Variants in COL22A1 observed in about 807,000 individuals in gnomAD.
The protein encoded by COL22A1 is collagen alpha-1(XXII) chain.
COL22A1 carries 221 observed loss-of-function variants against 248.9 expected under a neutral mutation model. The observed-to-expected ratio is 0.89, with a 90% CI of 0.80 to 0.99. COL22A1 has a LOEUF of 0.99. Ranked by LOEUF, COL22A1 falls within the 50% of genes least tolerant of loss-of-function variation. The pLI is 0.00. For synonymous variants in COL22A1, 891 were observed against 793.4 expected (o/e 1.12, Z -2.07); for missense variants, 2,240 against 2,179.0 (o/e 1.03, Z -0.56).
intron 58 of COL22A1, among the ~76,000 whole-genome samples, 193 bp downstream of exon 58, chr8:138,606,188 G>C (rs1818403592): frequency 6.6e-6 from 1 of 152,200 alleles, no homozygotes; most frequent in Admixed American, 6.5e-5. Context: ...TGATGGCACT[G>C]AGATTGCCAT....
At chr8:138,882,997 A>G (rs1191968537) in intron 2 of COL22A1, 85 bp downstream of exon 2, 2 of 1,218,004 alleles carry the variant, frequency 1.6e-6, no homozygotes, top group East Asian at 5.1e-5. Context: ...ACTCACTTGC[A>G]TGCACACACC....
chr8:138,812,047 CT>C, intron 8 of COL22A1, 126 bp from the exon 9 acceptor site: 8 of 1,141,454 alleles, frequency 7.0e-6, no homozygotes, highest in Non-Finnish European at 9.8e-6. Context: ...CTGAGGATGT[CT>C]CTCCTGAGGC....
intron 22 of COL22A1, among the ~76,000 whole-genome samples, chr8:138,742,245 T>C (rs1831648924): frequency 6.7e-6 from 1 of 148,776 alleles, no homozygotes; most frequent in Non-Finnish European, 1.5e-5. Context: ...GTGATGATGG[T>C]GGTGATGGTG....
At chr8:138,688,736 G>A (rs1341578599) in intron 37 of COL22A1, among the ~76,000 whole-genome samples, 181 bp downstream of exon 37, 1 of 151,974 alleles carries the variant, frequency 6.6e-6, no homozygotes, top group Non-Finnish European at 1.5e-5. Context: ...CTGATTCTCA[G>A]GTCTGTTGTG....
At chr8:138,688,789 T>G (rs899557432) in intron 37 of COL22A1, 128 bp downstream of exon 37, 1 of 745,792 alleles carries the variant, frequency 1.3e-6, no homozygotes, top group Non-Finnish European at 2.4e-6. Context: ...TTCCTCTCCC[T>G]CCTACTTAGT....
chr8:138,871,336 A>G (rs1823329153), intron 3 of COL22A1, among the ~76,000 whole-genome samples: 1 of 152,156 alleles, frequency 6.6e-6, no homozygotes, highest in African/African-American at 2.4e-5. Context: ...CTGAGCCCCC[A>G]GTCCTGCCTC....
intron 39 of COL22A1, 28 bp from the exon 40 acceptor site, chr8:138,679,704 C>A (rs778618497): frequency 1.2e-6 from 2 of 1,604,126 alleles, no homozygotes; most frequent in African/African-American, 1.3e-5. Flanking sequence ...TCACTCATTT[C>A]TTCACCAAAC....
chr8:138,768,329 C>T (rs1452910793), intron 16 of COL22A1, among the ~76,000 whole-genome samples: 3 of 152,168 alleles, frequency 2.0e-5, no homozygotes. Context: ...CACTGAAGCA[C>T]ACTCTTGCCC....
chr8:138,849,742 G>A (rs1444303444), intron 3 of COL22A1, among the ~76,000 whole-genome samples: 2 of 152,126 alleles, frequency 1.3e-5, no homozygotes, highest in Admixed American at 1.3e-4. Context: ...ATTGGCTTAT[G>A]CAACGGGAAG....
rs1255122193 is a variant in COL22A1, at chr8:138,803,671, CTG to C, written c.1495-739_1495-738del. 7.9e-5 allele frequency among the ~76,000 whole-genome samples: 12 copies of C among 152,270 alleles called. No individual in the cohort carries two copies. In the East Asian group the frequency reaches 1.9e-3, roughly 24 times the overall value. ...GAAAGAGAGCAGGTAGAGGAAAAAA[CTG>C]TGTCTGCAAGGGAGGAAAAACTCAT... On this transcript the variant is annotated intron_variant, in intron 10 of 64. Coordinates refer to ENST00000303045, the MANE Select transcript of COL22A1 (RefSeq NM_152888.3).
chr8:138,793,639 C>T lies in COL22A1; in HGVS notation c.1596+3180G>A, dbSNP rs568388850. On this transcript the variant is annotated intron_variant, in intron 12 of 64. Transcript: ENST00000303045. Reference sequence around the variant, plus strand: ...AGCTGCCTGTCTCTCCTGCCAACATCGAAGATGTGAGGAGGTCTCCATGGC... The same window carrying T: ...AGCTGCCTGTCTCTCCTGCCAACATTGAAGATGTGAGGAGGTCTCCATGGC... Among the ~76,000 whole-genome samples, 14 of 152,332 alleles carry T rather than the reference C, an allele frequency of 9.2e-5. No individual in the cohort carries two copies. The South Asian group carries it at 1.5e-3, about 16-fold the overall frequency.
At chr8:138,616,812 GGGTAA>G (rs1819360408) in intron 54 of COL22A1, 97 bp downstream of exon 54, 2 of 1,353,776 alleles carry the variant, frequency 1.5e-6, no homozygotes, top group African/African-American at 2.9e-5. Context: ...GTCCTCTCTC[GGGTAA>G]GGCACTGCCA....
At chr8:138,803,501 C>T (rs1383980894) in intron 10 of COL22A1, among the ~76,000 whole-genome samples, 2 of 151,792 alleles carry the variant, frequency 1.3e-5, no homozygotes, top group African/African-American at 2.4e-5. Context: ...TGCACATGTA[C>T]CCTAAAACTT....
At position 138,663,744 on chromosome 8, in the gene COL22A1, G is replaced by GAAAC. The variant is rs933225706; in HGVS notation, c.3151-8_3151-5dup. On this transcript the variant is annotated splice_polypyrimidine_tract_variant and splice_region_variant and intron_variant, in intron 41 of 64. Coordinates refer to ENST00000303045, the MANE Select transcript of COL22A1 (RefSeq NM_152888.3). Reference sequence around the variant, plus strand: ...CTCCTGGTGGTCCGGAAGGGCCCTAGAAACAAACAAACAAGTATGTAAGCA... The same window carrying GAAAC: ...CTCCTGGTGGTCCGGAAGGGCCCTAGAAACAAACAAACAAACAAGTATGTAAGCA... 2 of 1,608,896 alleles carry GAAAC rather than the reference G, an allele frequency of 1.2e-6. No homozygotes were observed. Among genetic ancestry groups the GAAAC allele is most frequent in the Non-Finnish European group, 1.7e-6 (2 of 1,175,358 alleles).
chr8:138,798,097 C>T (rs1351061843), intron 11 of COL22A1, among the ~76,000 whole-genome samples: 1 of 150,882 alleles, frequency 6.6e-6, no homozygotes, highest in Non-Finnish European at 1.5e-5. Flanking sequence ...CTATTTGTCT[C>T]TTTGAATACA....
intron 50 of COL22A1, among the ~76,000 whole-genome samples, chr8:138,627,561 C>A (rs1213012753): frequency 6.6e-6 from 1 of 152,212 alleles, no homozygotes; most frequent in East Asian, 1.9e-4. Flanking sequence ...AGTCTTCTTG[C>A]CATCACTAGA....
At position 138,627,546 on chromosome 8, in the gene COL22A1, C is replaced by T. The variant is rs560219108; in HGVS notation, c.3664-1303G>A. 1.4e-3 allele frequency among the ~76,000 whole-genome samples: 208 copies of T among 152,172 alleles called. 2 individuals are homozygous for T. The highest frequency in any genetic ancestry group is 2.6e-3 in the Non-Finnish European group (178 of 68,032). Reference sequence around the variant, plus strand: ...GGAAAGAACTCCACCTCTGACTCGCCGTTCAGTCTTCTTGCCATCACTAGA... The same window carrying T: ...GGAAAGAACTCCACCTCTGACTCGCTGTTCAGTCTTCTTGCCATCACTAGA... On this transcript the variant is annotated intron_variant, in intron 50 of 64. Coordinates refer to ENST00000303045, the MANE Select transcript of COL22A1 (RefSeq NM_152888.3).
intron 49 of COL22A1, among the ~76,000 whole-genome samples, chr8:138,631,025 T>A (rs544050213): frequency 4.0e-4 from 61 of 152,240 alleles, no homozygotes; most frequent in African/African-American, 1.5e-3. Context: ...GTCTAGGACC[T>A]CCCCACCTTT....
At chr8:138,721,057 GAA>G (rs1396943177) in intron 26 of COL22A1, among the ~76,000 whole-genome samples, 1 of 152,122 alleles carries the variant, frequency 6.6e-6, no homozygotes, top group Non-Finnish European at 1.5e-5. Context: ...AGATTTAGAA[GAA>G]AGGAAGATGT....
Sources: allele counts gnomAD v4.1 joint callset (sites outside exome capture counted in the v4.1 genomes callset), GRCh38; gene constraint gnomAD v4.1.1; transcripts MANE v1.5; gene names NCBI Gene and HGNC (gene_info 2026-07-23, HGNC 2026-07-21).